The following GLS variants were observed in gnomAD, a reference collection of about 807,000 sequenced individuals.
GLS encodes glutaminase kidney isoform, mitochondrial.
In GLS, 36 loss-of-function variants were observed where a neutral mutation model predicts 86.7. The ratio of observed to expected loss-of-function variants is 0.42; its 90% CI spans 0.32 to 0.55. The LOEUF is 0.55. GLS is among the 20% of genes least tolerant of loss of function. The pLI, the probability that GLS is intolerant of heterozygous loss-of-function variation, is 0.17. For synonymous variants in GLS, 317 were observed against 305.9 expected, an observed-to-expected ratio of 1.04 and a Z score of -0.38; for missense variants, 528 against 833.4, an observed-to-expected ratio of 0.63 and a Z score of 4.51.
At position 190,880,999 on chromosome 2, in the gene GLS, A is replaced by AC. The variant is rs999124727; in HGVS notation, c.-84dup. ...TCCTCTTCTGTCATCTCACCGCCCC[A>AC]CCACAGACCGCGTTCCCCGAGGAAA... On this transcript the variant is annotated 5_prime_UTR_variant, in exon 1 of 18. Transcript: ENST00000320717. The AC allele has an allele frequency of 4.9e-6, 7 of 1,429,282 alleles. No homozygotes were observed. The African/African-American group carries it at 8.5e-5, about 17-fold the overall frequency. The allele number at this position is 1,429,282 out of a possible 1,614,324, so 88.5% of individuals were successfully genotyped here.
At chr2:190,927,102 C>A in intron 11 of GLS, 1 of 483,606 alleles carries the variant, frequency 2.1e-6, no homozygotes, top group Non-Finnish European at 3.6e-6. Flanking sequence ...GACTGAGTAT[C>A]TTTGGCCAAA....
intron 14 of GLS, among the ~76,000 whole-genome samples, chr2:190,946,657 C>T (rs189807492): frequency 5.8e-4 from 88 of 152,174 alleles, no homozygotes; most frequent in Admixed American, 3.9e-4. Flanking sequence ...AACCAGTGAA[C>T]CAATTTTTCC....
chr2:190,933,543 T>C, intron 14 of GLS: 4 of 957,024 alleles, frequency 4.2e-6, no homozygotes, highest in Non-Finnish European at 5.0e-6. Flanking sequence ...GAGTGTCTTA[T>C]GTTACTAAAA....
chr2:190,918,192 A>G (rs531399740), intron 7 of GLS, among the ~76,000 whole-genome samples: 1 of 152,302 alleles, frequency 6.6e-6, no homozygotes, highest in African/African-American at 2.4e-5. Context: ...AAAGTCATAG[A>G]TGTCATCTTT....
chr2:190,908,732 A>G (rs1229579211), intron 6 of GLS, among the ~76,000 whole-genome samples: 1 of 152,228 alleles, frequency 6.6e-6, no homozygotes, highest in Non-Finnish European at 1.5e-5. Flanking sequence ...GGTGTGTTAC[A>G]TTCTCTCTGG....
At chr2:190,890,018 G>T (rs1380666936) in intron 1 of GLS, among the ~76,000 whole-genome samples, 6 of 152,060 alleles carry the variant, frequency 3.9e-5, no homozygotes, top group Admixed American at 3.9e-4. Flanking sequence ...TAACCACTGA[G>T]AGCATGAGGT....
intron 14 of GLS, chr2:190,934,934 C>T (rs1690227014): frequency 1.0e-6 from 1 of 967,274 alleles, no homozygotes; most frequent in African/African-American, 1.8e-5. Flanking sequence ...GTTTTAAGGA[C>T]ATATTTTGAT....
chr2:190,956,161 A>G lies in GLS; in HGVS notation c.1853+1343A>G, dbSNP rs1383802823. ...TTTATCAATTTTGGCTTTTGTTGCC[A>G]TTGCTTTTGGTGTTTTGGTCATGAA... On this transcript the variant is annotated intron_variant, in intron 17 of 17. Transcript: ENST00000320717. The surrounding 1 kb of genome is among the most constrained non-coding windows in gnomAD (Gnocchi z 4.2). Among the ~76,000 whole-genome samples, 1 of 152,106 alleles carries G rather than the reference A, an allele frequency of 6.6e-6. No homozygotes were observed. Among genetic ancestry groups the G allele is most frequent in the African/African-American group, 2.4e-5 (1 of 41,398 alleles).
Position 190,881,345 on chromosome 2 carries a change from C to T in GLS, c.261C>T (p.Ser87=). ...TCTTGCAGGAGCTGGGCAAGGGGAG[C>T]ACGCATCCGCAGCCCGGGGTGTCGC... is the stretch of plus-strand genomic sequence containing the variant. ...SEILQELGKG[S]THPQPGVSPP... The change falls in exon 1 of 18, where the codon AGC becomes AGT. Residue 87 remains serine, a synonymous_variant. Coordinates refer to ENST00000320717, the MANE Select transcript of GLS (RefSeq NM_014905.5). 6.5e-7 allele frequency: 1 copy of T among 1,536,028 alleles called. No individual in the cohort carries two copies.
chr2:190,892,762 T>TA (rs1559316715), intron 1 of GLS, among the ~76,000 whole-genome samples: 1 of 152,192 alleles, frequency 6.6e-6, no homozygotes, highest in Non-Finnish European at 1.5e-5. Context: ...AAATAGGTAG[T>TA]AATTTCTTTT....
intron 14 of GLS, among the ~76,000 whole-genome samples, chr2:190,950,119 A>G (rs908787547): frequency 6.6e-6 from 1 of 151,910 alleles, no homozygotes; most frequent in Non-Finnish European, 1.5e-5. Flanking sequence ...GGGGAGAGGG[A>G]GCCTCCTGAC....
intron 14 of GLS, among the ~76,000 whole-genome samples, chr2:190,952,495 G>A (rs934369788): frequency 6.6e-6 from 1 of 152,150 alleles, no homozygotes; most frequent in Non-Finnish European, 1.5e-5. Flanking sequence ...TGAAAATGAT[G>A]AATTAGAGAA....
chr2:190,888,226 C>T (rs1367100665), intron 1 of GLS, among the ~76,000 whole-genome samples: 1 of 152,110 alleles, frequency 6.6e-6, no homozygotes, highest in Non-Finnish European at 1.5e-5. Context: ...AGCACCATTA[C>T]ATTGAAAGAA....
intron 1 of GLS, among the ~76,000 whole-genome samples, chr2:190,885,590 TG>T (rs1193101975): frequency 1.3e-5 from 2 of 152,192 alleles, no homozygotes; most frequent in Non-Finnish European, 2.9e-5. Flanking sequence ...AGTTAGTATT[TG>T]GCAGATATAA....
chr2:190,916,857 A>C (rs553495198), intron 7 of GLS, among the ~76,000 whole-genome samples: 5 of 152,206 alleles, frequency 3.3e-5, no homozygotes, highest in Admixed American at 6.6e-5. Flanking sequence ...CTAAAAAAAA[A>C]CAGTGTGAAT....
intron 14 of GLS, among the ~76,000 whole-genome samples, chr2:190,952,051 C>A (rs1190749221): frequency 6.6e-6 from 1 of 152,144 alleles, no homozygotes; most frequent in African/African-American, 2.4e-5. Flanking sequence ...TAAAAAACAA[C>A]AAACTCTATG....
In GLS at chr2:190,927,502, T is replaced by G. The variant is rs911461743; in HGVS notation, c.1425+20T>G. ...TTCCATGTAAGTAATTGTTTAATCT[T>G]ATTTTCTCTGGCAAGAAACTAGTCT... is the stretch of plus-strand genomic sequence containing the variant. On this transcript the variant is annotated intron_variant, in intron 12 of 17. Coordinates refer to ENST00000320717, the MANE Select transcript of GLS (RefSeq NM_014905.5). 1.3e-6 allele frequency: 2 copies of G among 1,565,516 alleles called. No individual in the cohort carries two copies. The highest frequency in any genetic ancestry group is 1.7e-6 in the Non-Finnish European group (2 of 1,147,406).
intron 9 of GLS, 45 bp from the exon 10 acceptor site, chr2:190,923,872 T>C: frequency 8.5e-7 from 1 of 1,176,656 alleles, no homozygotes; most frequent in Non-Finnish European, 1.3e-6. Context: ...CAATCACACT[T>C]TTAAAGAAAG....
chr2:190,888,702 T>C (rs1019924003), intron 1 of GLS, among the ~76,000 whole-genome samples: 23 of 152,212 alleles, frequency 1.5e-4, no homozygotes, highest in Non-Finnish European at 2.9e-4. Flanking sequence ...CACTAAAATA[T>C]ATTTATTGGT....
Sources: gnomAD v4.1 joint callset for allele counts (sites outside exome capture counted in the v4.1 genomes callset) on GRCh38, gnomAD v4.1.1 for gene constraint, Gnocchi (gnomAD v3.1) non-coding constraint, MANE v1.5 for transcripts, NCBI Gene and HGNC (gene_info 2026-07-23, HGNC 2026-07-21) for gene names.